The following MTOR variants were observed in gnomAD, a reference collection of about 807,000 sequenced individuals.
The protein encoded by MTOR is serine/threonine-protein kinase mTOR.
A neutral mutation model predicts 319.8 loss-of-function variants in MTOR; 70 were observed. The observed-to-expected ratio is 0.22, with a 90% CI of 0.18 to 0.27. MTOR has a LOEUF of 0.27. Among genes scored for constraint, MTOR ranks in the 10% least tolerant of loss-of-function variants. The pLI is 1.00. For synonymous variants in MTOR, 1,183 were observed against 1,211.4 expected, an observed-to-expected ratio of 0.98 and a Z score of 0.49; for missense variants, 1,890 against 3,274.4, an observed-to-expected ratio of 0.58 and a Z score of 10.32.
Position 11,112,890 on chromosome 1 carries a change from C to A in MTOR, c.7328G>T (p.Arg2443Leu), listed in dbSNP as rs759011563. 1 of 1,614,048 alleles carries A rather than the reference C, an allele frequency of 6.2e-7. No individual in the cohort carries two copies. Among genetic ancestry groups the A allele is most frequent in the Admixed American group, 1.7e-5 (1 of 60,000 alleles). The change falls in exon 54 of 58, where the codon CGA (arginine) becomes CTA (leucine). Residue 2443 changes from arginine (R) to leucine (L), a missense_variant. This residue lies in a region of MTOR where 49 missense variants were observed against 67.6 expected (regional missense o/e 0.72). Coordinates refer to ENST00000361445, the MANE Select transcript of MTOR (RefSeq NM_004958.4). Reference protein sequence around the residue: ...DTNTKGNKRSRTRTDSYSAGQ... With the variant: ...DTNTKGNKRSLTRTDSYSAGQ... ...AGCAGAGTAGGAATCCGTCCTCGTT[C>A]GGGATCGCTTGTTGCCTTTGGTATT...
rs182263328 is a variant in MTOR at position 11,156,413 on chromosome 1, A to G, written c.4469+739T>C. On this transcript the variant is annotated intron_variant, in intron 30 of 57. Transcript: ENST00000361445. Reference sequence around the variant, plus strand: ...AGAATGGAGGCCATTTTTTCCCTTCAACATTCCCAAGCAACTCTCCAAACC... The same window carrying G: ...AGAATGGAGGCCATTTTTTCCCTTCGACATTCCCAAGCAACTCTCCAAACC... 3.8e-3 allele frequency among the ~76,000 whole-genome samples: 572 copies of G among 152,202 alleles called. 4 individuals carry two copies. Among genetic ancestry groups the G allele is most frequent in the African/African-American group, 0.013 (540 of 41,548 alleles).
chr1:11,222,219 C>T (rs925014725), intron 19 of MTOR, among the ~76,000 whole-genome samples: 2 of 148,344 alleles, frequency 1.3e-5, no homozygotes, highest in Non-Finnish European at 3.0e-5. Context: ...TTTTTTGAGA[C>T]GGAGTCTCGC....
intron 19 of MTOR, among the ~76,000 whole-genome samples, chr1:11,222,052 G>A (rs1432486570): frequency 6.6e-6 from 1 of 151,382 alleles, no homozygotes; most frequent in Non-Finnish European, 1.5e-5. Flanking sequence ...GCTGTTAGAG[G>A]CTTGACTCAT....
At chr1:11,187,917 G>C (rs1335902051) in intron 28 of MTOR, among the ~76,000 whole-genome samples, 2 of 152,160 alleles carry the variant, frequency 1.3e-5, no homozygotes, top group Admixed American at 6.5e-5. Context: ...AGCAGGCAAA[G>C]GAGGCTGGGT....
intron 49 of MTOR, among the ~76,000 whole-genome samples, chr1:11,120,108 C>T (rs1366087187): frequency 2.0e-5 from 3 of 151,396 alleles, no homozygotes; most frequent in East Asian, 3.9e-4. Flanking sequence ...GACAAGGTCT[C>T]GCTCTGTCAC....
Position 11,228,792 on chromosome 1 carries a change from G to T in MTOR, c.2906C>A (p.Thr969Asn), listed in dbSNP as rs777122565. 10 of 1,614,058 alleles carry T rather than the reference G, an allele frequency of 6.2e-6. No homozygotes were observed. In the African/African-American group the frequency reaches 1.3e-4, roughly 22 times the overall value. ...GAAGGTGATGGCCTGGACAACCATG[G>T]TGTGATGATGAGAGAGTGACTGGTC... Reference protein sequence around the residue: ...FRDQSLSHHHTMVVQAITFIF... With the variant: ...FRDQSLSHHHNMVVQAITFIF... Residue 969 changes from threonine to asparagine, a missense_variant, in exon 19 of 58, where the codon ACC (threonine) becomes AAC (asparagine). Physicochemically the swap from Thr to Asn is moderately conservative, Grantham distance 65. Around this residue, in one of 15 missense-constraint regions of MTOR, gnomAD observed 377 missense variants for 653.9 expected, o/e 0.58. Coordinates refer to ENST00000361445, the MANE Select transcript of MTOR (RefSeq NM_004958.4).
intron 19 of MTOR, among the ~76,000 whole-genome samples, chr1:11,218,649 G>C (rs1159963884): frequency 6.6e-6 from 1 of 152,056 alleles, no homozygotes; most frequent in Non-Finnish European, 1.5e-5. Context: ...GCATGATTAG[G>C]GAGCATTTCC....
intron 20 of MTOR, among the ~76,000 whole-genome samples, chr1:11,215,322 C>T (rs1157366487): frequency 6.6e-6 from 1 of 152,108 alleles, no homozygotes; most frequent in African/African-American, 2.4e-5. Context: ...TGGTAAGAGT[C>T]AGGGAATAGA....
chr1:11,135,616 C>T (rs1294499710), intron 36 of MTOR, among the ~76,000 whole-genome samples: 1 of 152,064 alleles, frequency 6.6e-6, no homozygotes, highest in African/African-American at 2.4e-5. Context: ...GGTGGATCAC[C>T]TGAGGTCAGG....
In MTOR at chr1:11,237,740, A is replaced by G. The variant is rs1647404318; in HGVS notation, c.2208+103T>C. Reference sequence around the variant, plus strand: ...AATGCGGCTTTTACCAGGTACCTCAATCTTTCTCCCCCATCCTTGTCCTCA... The same window carrying G: ...AATGCGGCTTTTACCAGGTACCTCAGTCTTTCTCCCCCATCCTTGTCCTCA... On this transcript the variant is annotated intron_variant, in intron 13 of 57. Transcript: ENST00000361445. The G allele has an allele frequency of 3.8e-6, 5 of 1,299,020 alleles. No homozygotes were observed. In the East Asian group the frequency reaches 9.7e-5, roughly 25 times the overall value. The allele number at this position is 1,299,020 out of a possible 1,614,324, so 80.5% of individuals were successfully genotyped here.
chr1:11,170,084 A>G (rs955515185), intron 28 of MTOR, among the ~76,000 whole-genome samples: 1 of 152,240 alleles, frequency 6.6e-6, no homozygotes, highest in East Asian at 1.9e-4. Flanking sequence ...AAGCAAGGCA[A>G]TGAACCAGAA....
chr1:11,236,526 T>G (rs1647247785), intron 13 of MTOR, among the ~76,000 whole-genome samples: 1 of 145,410 alleles, frequency 6.9e-6, no homozygotes, highest in Admixed American at 7.0e-5. Flanking sequence ...TTTTTTTTTT[T>G]GAGACAGAGT....
intron 19 of MTOR, among the ~76,000 whole-genome samples, chr1:11,227,291 T>G (rs1353788830): frequency 1.0e-5 from 1 of 98,880 alleles, no homozygotes; most frequent in Admixed American, 1.3e-4. Flanking sequence ...AAGTGAGACT[T>G]TGTCTCAAAA....
chr1:11,137,051 A>C (rs2100464599), intron 36 of MTOR, among the ~76,000 whole-genome samples: 1 of 149,760 alleles, frequency 6.7e-6, no homozygotes, highest in South Asian at 2.1e-4. Flanking sequence ...CATGTTGTCC[A>C]GGCTGGTCTC....
intron 30 of MTOR, among the ~76,000 whole-genome samples, chr1:11,155,374 A>T (rs754234935): frequency 2.0e-5 from 3 of 152,126 alleles, no homozygotes; most frequent in Non-Finnish European, 4.4e-5. Flanking sequence ...CCTGAAATAT[A>T]GCACACCTTG....
intron 30 of MTOR, among the ~76,000 whole-genome samples, chr1:11,156,808 G>C (rs1201220957): frequency 6.6e-6 from 1 of 152,138 alleles, no homozygotes; most frequent in Non-Finnish European, 1.5e-5. Context: ...ACATCTGCAA[G>C]AGCTAATTTT....
At chr1:11,149,391 G>A (rs1334371711) in intron 31 of MTOR, 2 of 152,214 alleles carry the variant, frequency 1.3e-5, no homozygotes, top group African/African-American at 4.8e-5. Flanking sequence ...CTTGAACAAT[G>A]AGCTTCCAGG....
At chr1:11,164,607 C>G (rs1275714466) in intron 29 of MTOR, among the ~76,000 whole-genome samples, 2 of 152,094 alleles carry the variant, frequency 1.3e-5, no homozygotes, top group African/African-American at 4.8e-5. Flanking sequence ...TAATTAATAG[C>G]CTACCAAACA....
intron 19 of MTOR, among the ~76,000 whole-genome samples, chr1:11,222,192 T>TTA (rs1557441731): frequency 1.3e-5 from 2 of 151,716 alleles, no homozygotes; most frequent in South Asian, 2.1e-4. Context: ...AAAATTTATT[T>TTA]AAAAAAAATT....
Sources: allele counts gnomAD v4.1 joint callset (sites outside exome capture counted in the v4.1 genomes callset), GRCh38; gene constraint gnomAD v4.1.1; regional missense constraint gnomAD v4.1.1; transcripts MANE v1.5; gene names NCBI Gene and HGNC (gene_info 2026-07-23, HGNC 2026-07-21).